The following ATP8B1 variants were observed in gnomAD, a reference collection of about 807,000 sequenced individuals.
ATP8B1 encodes ATPase phospholipid transporting 8B1, also known as phospholipid-transporting ATPase IC.
Under a neutral mutation model 149.9 loss-of-function variants are expected in ATP8B1, and 80 were observed. That is an observed-to-expected ratio of 0.53 (90% confidence interval 0.45 to 0.64). ATP8B1 has a LOEUF of 0.64. ATP8B1 is among the 30% of genes least tolerant of loss of function. The pLI is 0.00. For missense variants in ATP8B1, 1,247 were observed against 1,552.6 expected (o/e 0.80, Z 3.31); for synonymous variants, 536 against 562.8 (o/e 0.95, Z 0.67).
At chr18:57,702,646 T>C (rs1424561717) in intron 4 of ATP8B1, among the ~76,000 whole-genome samples, 1 of 152,022 alleles carries the variant, frequency 6.6e-6, no homozygotes, top group African/African-American at 2.4e-5. Context: ...TCACCTGAGG[T>C]TGGAAGTTCG....
intron 14 of ATP8B1, 127 bp downstream of exon 14, chr18:57,684,945 G>T: frequency 8.3e-7 from 1 of 1,207,468 alleles, no homozygotes; most frequent in East Asian, 2.3e-5. Context: ...CAAGGACTGT[G>T]GGCAACCACC....
chr18:57,741,754 C>T (rs1367983982), intron 1 of ATP8B1, among the ~76,000 whole-genome samples: 3 of 152,186 alleles, frequency 2.0e-5, no homozygotes, highest in Admixed American at 2.0e-4. Flanking sequence ...TCAATGTAGC[C>T]ACTATTATTT....
intron 1 of ATP8B1, among the ~76,000 whole-genome samples, chr18:57,746,763 ACCACTGTGCCCAG>A (rs1331415601): frequency 6.6e-6 from 1 of 152,088 alleles, no homozygotes; most frequent in African/African-American, 2.4e-5. Context: ...GGTGTGAGCC[ACCACTGTGCCCAG>A]CCACTGATAC....
intron 1 of ATP8B1, among the ~76,000 whole-genome samples, chr18:57,757,543 G>A (rs73959342): frequency 0.012 from 1,887 of 152,146 alleles, 41 homozygotes; most frequent in African/African-American, 0.043. Context: ...ATGCACACAC[G>A]CATGTACATG....
chr18:57,718,413 T>C (rs2079606111), intron 2 of ATP8B1, among the ~76,000 whole-genome samples: 2 of 152,270 alleles, frequency 1.3e-5, no homozygotes, highest in African/African-American at 4.8e-5. Flanking sequence ...GCTTCACTAC[T>C]GAATACTACC....
At chr18:57,669,981 T>TCC (rs1421866543) in intron 17 of ATP8B1, among the ~76,000 whole-genome samples, 1 of 152,122 alleles carries the variant, frequency 6.6e-6, no homozygotes, top group African/African-American at 2.4e-5. Flanking sequence ...TTTCTAAACT[T>TCC]CTATAGGGTC....
At chr18:57,729,545 C>CTTTT (rs1294258760) in intron 2 of ATP8B1, among the ~76,000 whole-genome samples, 1 of 48,046 alleles carries the variant, frequency 2.1e-5, no homozygotes, top group African/African-American at 8.0e-5. Context: ...CATTTTCTTT[C>CTTTT]TTTCTTTTTT....
At chr18:57,738,933 A>C (rs1322870290) in intron 1 of ATP8B1, among the ~76,000 whole-genome samples, 1 of 152,110 alleles carries the variant, frequency 6.6e-6, no homozygotes, top group Non-Finnish European at 1.5e-5. Context: ...AGGTCCTTTA[A>C]GGAGGTAGTT....
At chr18:57,656,379 TTCTC>T (rs1287921187) in intron 22 of ATP8B1, among the ~76,000 whole-genome samples, 3 of 144,652 alleles carry the variant, frequency 2.1e-5, no homozygotes, top group East Asian at 4.3e-4. Flanking sequence ...TTATATTTCT[TTCTC>T]TCTCTTTTTT....
At chr18:57,770,067 ATTTT>A (rs67664390) in intron 1 of ATP8B1, among the ~76,000 whole-genome samples, 217 of 133,992 alleles carry the variant, frequency 1.6e-3, no homozygotes, top group African/African-American at 1.9e-3. Context: ...GCTGAACTGC[ATTTT>A]TTTTTTTTTT....
chr18:57,716,533 C>CAAA (rs2079585311), intron 2 of ATP8B1, among the ~76,000 whole-genome samples: 1 of 151,896 alleles, frequency 6.6e-6, no homozygotes, highest in Non-Finnish European at 1.5e-5. Context: ...GAACAGGATA[C>CAAA]CTATATTTAT....
intron 2 of ATP8B1, among the ~76,000 whole-genome samples, chr18:57,713,475 T>TTTTTATTTTATTTTATTTTA (rs138926824): frequency 1.5e-4 from 22 of 146,432 alleles, no homozygotes; most frequent in African/African-American, 4.9e-4. Context: ...TTTTAAAAAT[T>TTTTTATTTTATTTTATTTTA]TTTTATTTTA....
rs549065769 is a variant in ATP8B1 at position 57,652,826 on chromosome 18, G to A, written c.3016-97C>T. On this transcript the variant is annotated intron_variant, in intron 24 of 27. Transcript: ENST00000648908. Reference sequence around the variant, plus strand: ...ATCTCACAAAAAGTTGCAGCCTGCTGTTAAATTTTAGGAAGGCAAAAACTG... The same window carrying A: ...ATCTCACAAAAAGTTGCAGCCTGCTATTAAATTTTAGGAAGGCAAAAACTG... The A allele has an allele frequency of 7.5e-5, 116 of 1,548,660 alleles. 2 individuals are homozygous for A. The South Asian group carries it at 1.1e-3, about 15-fold the overall frequency.
At chr18:57,675,402 G>A (rs1911532259) in intron 15 of ATP8B1, among the ~76,000 whole-genome samples, 1 of 152,160 alleles carries the variant, frequency 6.6e-6, no homozygotes. Flanking sequence ...TTTTAATGCT[G>A]TATCTGAGCA....
intron 10 of ATP8B1, 147 bp from the exon 11 acceptor site, chr18:57,694,817 G>A: frequency 1.4e-6 from 1 of 702,036 alleles, no homozygotes; most frequent in Non-Finnish European, 2.5e-6. Context: ...ATCACCTGAG[G>A]TCAGGGGTTC....
At chr18:57,699,399 A>G (rs1020459163) in intron 6 of ATP8B1, among the ~76,000 whole-genome samples, 8 of 152,210 alleles carry the variant, frequency 5.3e-5, no homozygotes, top group African/African-American at 1.4e-4. Context: ...GTAAAATAGA[A>G]TAAGTGTCCC....
intron 16 of ATP8B1, among the ~76,000 whole-genome samples, chr18:57,672,914 A>ATG (rs1911318841): frequency 1.3e-5 from 1 of 76,424 alleles, no homozygotes; most frequent in African/African-American, 4.7e-5. Flanking sequence ...ATATATATAT[A>ATG]TATATATATA....
At chr18:57,722,162 A>T (rs1337193616) in intron 2 of ATP8B1, among the ~76,000 whole-genome samples, 1 of 151,352 alleles carries the variant, frequency 6.6e-6, no homozygotes, top group Non-Finnish European at 1.5e-5. Flanking sequence ...TCCAAAATTG[A>T]CACCCTAACA....
chr18:57,776,978 A>G (rs1280703382), intron 1 of ATP8B1, among the ~76,000 whole-genome samples: 4 of 146,838 alleles, frequency 2.7e-5, no homozygotes, highest in Non-Finnish European at 4.5e-5. Flanking sequence ...CTGTTTTCTC[A>G]GGCTTTTTTT....
Sources: allele counts gnomAD v4.1 joint callset (sites outside exome capture counted in the v4.1 genomes callset), GRCh38; gene constraint gnomAD v4.1.1; transcripts MANE v1.5; gene names NCBI Gene and HGNC (gene_info 2026-07-23, HGNC 2026-07-21).